MEF2C: variants seen among roughly 807,000 people sequenced by gnomAD.
The protein encoded by MEF2C is myocyte enhancer factor 2C.
A neutral mutation model predicts 50.5 loss-of-function variants in MEF2C; 6 were observed. The observed-to-expected ratio is 0.12, with a 90% CI of 0.07 to 0.23. The LOEUF is 0.23. Among genes scored for constraint, MEF2C ranks in the 10% least tolerant of loss-of-function variants. The pLI is 1.00. For missense variants in MEF2C, 276 were observed against 605.0 expected, an observed-to-expected ratio of 0.46 and a Z score of 5.70; for synonymous variants, 183 against 228.0, an observed-to-expected ratio of 0.80 and a Z score of 1.78.
In MEF2C at chr5:88,761,346, G is replaced by T; in HGVS notation, c.259-18C>A. On this transcript the variant is annotated intron_variant, in intron 3 of 10. Transcript: ENST00000504921. ...CTCAACGTCTGAAATACATAATTTG[G>T]AAAGTTCAAACCTAGACAAAGGCTG... 6.2e-7 allele frequency: 1 copy of T among 1,606,850 alleles called. No individual in the cohort carries two copies. Among genetic ancestry groups the T allele is most frequent in the South Asian group, 1.1e-5 (1 of 89,952 alleles).
chr5:88,870,334 C>T (rs1829119908), intron 1 of MEF2C, among the ~76,000 whole-genome samples: 1 of 151,830 alleles, frequency 6.6e-6, no homozygotes, highest in Non-Finnish European at 1.5e-5. Flanking sequence ...AAGGGCTGAG[C>T]ACAATAAAAC....
At chr5:88,831,075 A>G (rs959362256) in intron 1 of MEF2C, among the ~76,000 whole-genome samples, 8 of 152,146 alleles carry the variant, frequency 5.3e-5, no homozygotes, top group Admixed American at 5.2e-4. Context: ...CCCTGTTAGA[A>G]AAAAATTATG....
chr5:88,826,922 TGAA>T (rs1038488880), intron 1 of MEF2C: 7 of 148,566 alleles, frequency 4.7e-5, no homozygotes, highest in African/African-American at 1.5e-4. Flanking sequence ...AAAAAAAAGA[TGAA>T]GAACTGCTCT....
chr5:88,877,269 A>C (rs1831363777), intron 1 of MEF2C, among the ~76,000 whole-genome samples: 1 of 152,054 alleles, frequency 6.6e-6, no homozygotes, highest in Non-Finnish European at 1.5e-5. Context: ...AACTTTGTTT[A>C]CATTGGCTGT....
rs188581854 is a variant in MEF2C, at chr5:88,730,325, C to T, written c.811-91G>A. On this transcript the variant is annotated intron_variant, in intron 7 of 10. Coordinates refer to ENST00000504921, the MANE Select transcript of MEF2C (RefSeq NM_002397.5). ...TTTCAACAAAAGGAAAAGCATCTTC[C>T]GATAGACACAACAGTTTAAACAGTT... 121 of 1,346,948 alleles carry T rather than the reference C, an allele frequency of 9.0e-5. No individual in the cohort carries two copies. In the East Asian group the frequency reaches 2.2e-3, roughly 25 times the overall value. 83.4% of individuals were successfully genotyped at this position (1,346,948 alleles called of 1,614,324 possible). A position where few individuals can be genotyped will look rare whatever the true frequency, so the allele number is the denominator to read the frequency against.
chr5:88,734,872 G>A (rs1269048410), intron 6 of MEF2C: 1 of 976,694 alleles, frequency 1.0e-6, no homozygotes, highest in African/African-American at 1.8e-5. Context: ...AAAATATTTT[G>A]AACCATGATG....
intron 3 of MEF2C, among the ~76,000 whole-genome samples, chr5:88,801,304 A>C (rs1798213368): frequency 6.6e-6 from 1 of 152,298 alleles, no homozygotes; most frequent in African/African-American, 2.4e-5. Context: ...TATTCCATTA[A>C]ATTAAAATAA....
At chr5:88,837,765 G>C (rs1361705598) in intron 1 of MEF2C, among the ~76,000 whole-genome samples, 1 of 152,148 alleles carries the variant, frequency 6.6e-6, no homozygotes, top group Non-Finnish European at 1.5e-5. Context: ...AATATTGAAG[G>C]ATATGTTCAC....
chr5:88,765,564 A>G (rs1421555589), intron 3 of MEF2C, among the ~76,000 whole-genome samples: 1 of 152,248 alleles, frequency 6.6e-6, no homozygotes, highest in Non-Finnish European at 1.5e-5. Context: ...GAAAGGGCTG[A>G]CTAAATGGAT....
At chr5:88,734,561 G>GTTTGTTTTTTTTTT in intron 6 of MEF2C, 1 of 244,262 alleles carries the variant, frequency 4.1e-6, no homozygotes, top group Non-Finnish European at 4.9e-6. Flanking sequence ...CTTGAGAAAA[G>GTTTGTTTTTTTTTT]TTTGTTTTTT....
intron 1 of MEF2C, among the ~76,000 whole-genome samples, chr5:88,842,525 A>G (rs1020590692): frequency 9.2e-5 from 14 of 151,854 alleles, no homozygotes; most frequent in South Asian, 2.1e-4. Context: ...GTGCCATTAC[A>G]AACGTCAACA....
intron 2 of MEF2C, among the ~76,000 whole-genome samples, chr5:88,816,357 G>A (rs1243829751): frequency 6.6e-6 from 1 of 151,772 alleles, no homozygotes; most frequent in Admixed American, 6.6e-5. Flanking sequence ...CCTACTACAT[G>A]GTGGGGAGAT....
intron 3 of MEF2C, among the ~76,000 whole-genome samples, chr5:88,789,244 G>A (rs1792562301): frequency 1.3e-5 from 2 of 151,146 alleles, no homozygotes; most frequent in Admixed American, 6.6e-5. Flanking sequence ...ACAGCTCACT[G>A]GAGCCTCAAC....
At chr5:88,887,051 C>T (rs1446485004), upstream of MEF2C, among the ~76,000 whole-genome samples, 2 of 152,176 alleles carry the variant, frequency 1.3e-5, no homozygotes, top group Admixed American at 6.5e-5. Flanking sequence ...CACAGCAACC[C>T]ACCCTGAGAT....
chr5:88,733,833 C>T (rs1288905646), intron 6 of MEF2C: 2 of 985,314 alleles, frequency 2.0e-6, no homozygotes, highest in Non-Finnish European at 2.4e-6. Context: ...TGTTAAGTGA[C>T]AGGACTCACT....
At chr5:88,772,316 C>T (rs577980788) in intron 3 of MEF2C, 1 of 152,292 alleles carries the variant, frequency 6.6e-6, no homozygotes, top group South Asian at 2.1e-4. Flanking sequence ...TCAGGAACTC[C>T]CAAGATAAAG....
At chr5:88,798,305 G>T (rs1796860501) in intron 3 of MEF2C, among the ~76,000 whole-genome samples, 1 of 151,978 alleles carries the variant, frequency 6.6e-6, no homozygotes, top group African/African-American at 2.4e-5. Context: ...TTTCCACATA[G>T]CCCCATATTT....
At chr5:88,799,913 C>CAG (rs60801087) in intron 3 of MEF2C, among the ~76,000 whole-genome samples, 48 of 63,684 alleles carry the variant, frequency 7.5e-4, no homozygotes, top group African/African-American at 2.3e-3. Flanking sequence ...CACACACACA[C>CAG]AGAGAGAGAG....
Position 88,763,605 on chromosome 5 carries a change from T to C in MEF2C, c.259-2277A>G, listed in dbSNP as rs1441308816. On this transcript the variant is annotated intron_variant, in intron 3 of 10. Coordinates refer to ENST00000504921, the MANE Select transcript of MEF2C (RefSeq NM_002397.5). ...TATGTCAGATCAAGAAAATATTATTTGATATTTTTCAAAAGTTATCTATAA... is the reference window on the plus strand; with the variant it reads ...TATGTCAGATCAAGAAAATATTATTCGATATTTTTCAAAAGTTATCTATAA... Among the ~76,000 whole-genome samples, 3 of 152,178 alleles carry C rather than the reference T, an allele frequency of 2.0e-5. No homozygotes were observed. In the East Asian group the frequency reaches 5.8e-4, roughly 29 times the overall value.
Sources: allele counts gnomAD v4.1 joint callset (sites outside exome capture counted in the v4.1 genomes callset), GRCh38; gene constraint gnomAD v4.1.1; transcripts MANE v1.5; gene names NCBI Gene and HGNC (gene_info 2026-07-23, HGNC 2026-07-21).